The following JMJD1C variants were observed in gnomAD, a reference collection of about 807,000 sequenced individuals.
The protein encoded by JMJD1C is jumonji domain containing 1C.
In JMJD1C, 31 loss-of-function variants were observed where a neutral mutation model predicts 245.3. The observed-to-expected ratio is 0.13, with a 90% CI of 0.09 to 0.17. The LOEUF is 0.17. JMJD1C is among the 10% of genes least tolerant of loss of function. JMJD1C has a pLI of 1.00. For missense variants in JMJD1C, 2,691 were observed against 3,000.2 expected (o/e 0.90, Z 2.41); for synonymous variants, 1,057 against 1,017.4 (o/e 1.04, Z -0.74).
At chr10:63,420,859 GTACAAAACAAACAAAATCAACA>G in intron 1 of JMJD1C, among the ~76,000 whole-genome samples, 1 of 115,580 alleles carries the variant, frequency 8.7e-6, no homozygotes, top group African/African-American at 6.9e-5. Flanking sequence ...AAACAACAAA[GTACAAAACAAACAAAATCAACA>G]AAGTACAAAA....
At chr10:63,312,881 T>C (rs1477701035) in intron 2 of JMJD1C, among the ~76,000 whole-genome samples, 1 of 152,240 alleles carries the variant, frequency 6.6e-6, no homozygotes, top group Admixed American at 6.5e-5. Context: ...TGAGCCACCG[T>C]GGCCACCCTA....
chr10:63,188,902 C>T (rs999600658), intron 18 of JMJD1C, among the ~76,000 whole-genome samples: 6 of 152,078 alleles, frequency 3.9e-5, no homozygotes, highest in Non-Finnish European at 5.9e-5. Context: ...AAATTCAAGG[C>T]GTTATTACAT....
intron 1 of JMJD1C, among the ~76,000 whole-genome samples, chr10:63,500,428 G>GAA (rs60605672): frequency 3.6e-5 from 4 of 112,124 alleles, no homozygotes; most frequent in East Asian, 2.7e-4. Flanking sequence ...GTCTCCAAAG[G>GAA]AAAAAAAAAA....
intron 1 of JMJD1C, among the ~76,000 whole-genome samples, chr10:63,423,802 T>C (rs1030002450): frequency 1.3e-5 from 2 of 152,232 alleles, no homozygotes; most frequent in Non-Finnish European, 2.9e-5. Context: ...TCTCCAACAC[T>C]TGATGTTTTC....
chr10:63,397,967 A>C (rs1948609240), intron 1 of JMJD1C, among the ~76,000 whole-genome samples: 1 of 152,232 alleles, frequency 6.6e-6, no homozygotes, highest in African/African-American at 2.4e-5. Flanking sequence ...TTTTGAAAAT[A>C]ACCTAATTGT....
chr10:63,401,911 G>T (rs1948879693), intron 1 of JMJD1C, among the ~76,000 whole-genome samples: 1 of 152,136 alleles, frequency 6.6e-6, no homozygotes, highest in Non-Finnish European at 1.5e-5. Context: ...GAGGCAGGCA[G>T]ATCACCTGAG....
rs1847870432 is a variant in JMJD1C at position 63,215,449 on chromosome 10, A to G, written c.829T>C (p.Tyr277His). 6.2e-7 allele frequency: 1 copy of G among 1,614,070 alleles called. No homozygotes were observed. The highest frequency in any genetic ancestry group is 1.1e-5 in the South Asian group (1 of 91,082). The change falls in exon 7 of 26, where the codon TAT becomes CAT. Residue 277 changes from tyrosine to histidine, a missense_variant. Physicochemically the swap from Tyr to His is moderately conservative, Grantham distance 83. Coordinates refer to ENST00000399262, the MANE Select transcript of JMJD1C (RefSeq NM_032776.3). ...NQNVNAVHSHYTRAQANSPRP... is the reference protein window; with the variant it reads ...NQNVNAVHSHHTRAQANSPRP... ...GGACTATTTGCTTGGGCACGTGTAT[A>G]ATGGCTCTAAAAATAACCAATTAAC...
At chr10:63,320,489 T>C (rs1940719934) in intron 2 of JMJD1C, among the ~76,000 whole-genome samples, 1 of 152,160 alleles carries the variant, frequency 6.6e-6, no homozygotes, top group Non-Finnish European at 1.5e-5. Context: ...TCAGCCCCAT[T>C]GAGCTCAAGA....
intron 1 of JMJD1C, among the ~76,000 whole-genome samples, chr10:63,516,094 T>G (rs1197162542): frequency 1.3e-5 from 2 of 152,010 alleles, no homozygotes; most frequent in Non-Finnish European, 2.9e-5. Flanking sequence ...GAATTTTTTT[T>G]CTTCAGTTTT....
rs1249882191 is a variant in JMJD1C at position 63,214,830 on chromosome 10, G to A, written c.1337C>T (p.Ala446Val). 5 of 1,613,592 alleles carry A rather than the reference G, an allele frequency of 3.1e-6. No individual in the cohort carries two copies. Among genetic ancestry groups the A allele is most frequent in the Non-Finnish European group, 4.2e-6 (5 of 1,179,942 alleles). ...AGTGTCAACAGACTTCCGCTTCTCT[G>A]CTTCTTCATGTTTTTTATCTTCCTG... is the stretch of plus-strand genomic sequence containing the variant. ...QIQEDKKHEE[A>V]EKRKSVDTQL... The change falls in exon 8 of 26, where the codon GCA becomes GTA. Residue 446 changes from alanine (A) to valine (V), a missense_variant. Ala to Val is a moderately conservative substitution (Grantham distance 64, BLOSUM62 0). Coordinates refer to ENST00000399262, the MANE Select transcript of JMJD1C (RefSeq NM_032776.3).
intron 2 of JMJD1C, among the ~76,000 whole-genome samples, chr10:63,325,906 A>G (rs914836797): frequency 6.6e-5 from 10 of 152,212 alleles, no homozygotes; most frequent in Admixed American, 3.9e-4. Flanking sequence ...ATGTAGATCA[A>G]CATACTTATA....
At chr10:63,253,171 G>C (rs1329890910) in intron 3 of JMJD1C, among the ~76,000 whole-genome samples, 2 of 152,110 alleles carry the variant, frequency 1.3e-5, no homozygotes, top group African/African-American at 4.8e-5. Context: ...ATAAGGTACT[G>C]GAAGTAATCA....
At chr10:63,469,271 A>G (rs1953414882), upstream of JMJD1C, among the ~76,000 whole-genome samples, 1 of 152,228 alleles carries the variant, frequency 6.6e-6, no homozygotes, top group African/African-American at 2.4e-5. Flanking sequence ...AACACTTACT[A>G]TGTGTCAGAC....
chr10:63,314,965 T>TG (rs1251350650), intron 2 of JMJD1C, among the ~76,000 whole-genome samples: 1 of 149,568 alleles, frequency 6.7e-6, no homozygotes, highest in African/African-American at 2.5e-5. Context: ...TGTTTTTTTT[T>TG]TTTTTTTGAG....
chr10:63,272,168 T>C (rs1300171782), intron 2 of JMJD1C, among the ~76,000 whole-genome samples: 1 of 152,106 alleles, frequency 6.6e-6, no homozygotes, highest in Admixed American at 6.6e-5. Context: ...GAAAAAGAGA[T>C]GGGCAATGAT....
At position 63,347,661 on chromosome 10, in the gene JMJD1C, C is replaced by T. The variant is rs552753416; in HGVS notation, c.333+32657G>A. 2.0e-5 allele frequency among the ~76,000 whole-genome samples: 3 copies of T among 151,844 alleles called. No individual in the cohort carries two copies. The East Asian group carries it at 5.8e-4, about 30-fold the overall frequency. On this transcript the variant is annotated intron_variant, in intron 2 of 25. Transcript: ENST00000399262. ...GGCGTAGTGGCTCATGCCTGTAATC[C>T]CAGCACTTTGGGAGGCTGAGATGGG...
At chr10:63,183,925 T>C (rs1439087713) in intron 21 of JMJD1C, among the ~76,000 whole-genome samples, 2 of 152,248 alleles carry the variant, frequency 1.3e-5, no homozygotes, top group Non-Finnish European at 2.9e-5. Flanking sequence ...AGACAATTTG[T>C]AGGAACAGTA....
intron 2 of JMJD1C, among the ~76,000 whole-genome samples, chr10:63,331,557 T>C (rs1404904161): frequency 6.6e-6 from 1 of 152,222 alleles, no homozygotes; most frequent in Admixed American, 6.5e-5. Flanking sequence ...TCGCCTCCAT[T>C]TGTTTCTAGG....
chr10:63,397,676 T>C (rs920804421), intron 1 of JMJD1C, among the ~76,000 whole-genome samples: 1 of 149,306 alleles, frequency 6.7e-6, no homozygotes, highest in Admixed American at 6.6e-5. Context: ...TGGGATACAG[T>C]CATGTGCCAC....
Sources: gnomAD v4.1 joint callset for allele counts (sites outside exome capture counted in the v4.1 genomes callset) on GRCh38, gnomAD v4.1.1 for gene constraint, MANE v1.5 for transcripts, NCBI Gene and HGNC (gene_info 2026-07-23, HGNC 2026-07-21) for gene names.